The following SORCS2 variants were observed in gnomAD, a reference collection of about 807,000 sequenced individuals.
SORCS2 encodes sortilin related VPS10 domain containing receptor 2, also known as VPS10 domain-containing receptor SorCS2.
SORCS2 carries 100 observed loss-of-function variants against 141.6 expected under a neutral mutation model. The ratio of observed to expected loss-of-function variants is 0.71; its 90% confidence interval spans 0.60 to 0.83. The LOEUF (loss-of-function observed/expected upper bound fraction) is 0.83, where lower values mean the gene tolerates loss of function less well. Ranked by LOEUF, SORCS2 falls within the 40% of genes least tolerant of loss-of-function variation. The pLI is 0.00. For synonymous variants in SORCS2, 789 were observed against 676.9 expected (o/e 1.17, Z -2.57); for missense variants, 1,646 against 1,560.2 (o/e 1.05, Z -0.93).
chr4:7,464,762 CT>C (rs1333926177), intron 2 of SORCS2, among the ~76,000 whole-genome samples: 2 of 152,254 alleles, frequency 1.3e-5, no homozygotes, highest in Non-Finnish European at 2.9e-5. Flanking sequence ...ATAGTCCAGA[CT>C]TTCTGAACTT....
At chr4:7,717,957 C>T in intron 17 of SORCS2, 55 bp from the exon 18 acceptor site, 2 of 1,506,894 alleles carry the variant, frequency 1.3e-6, no homozygotes, top group Admixed American at 4.5e-5. Context: ...GACTATGGGG[C>T]CCCATCCCTT....
chr4:7,583,353 C>A (rs1433720500), intron 3 of SORCS2, among the ~76,000 whole-genome samples: 1 of 152,150 alleles, frequency 6.6e-6, no homozygotes, highest in Admixed American at 6.5e-5. Context: ...TCCAACCCCC[C>A]TACACTCCTG....
chr4:7,423,173 C>T (rs1726202519), intron 2 of SORCS2, among the ~76,000 whole-genome samples: 2 of 152,222 alleles, frequency 1.3e-5, no homozygotes, highest in African/African-American at 4.8e-5. Context: ...GAGGCTCTGA[C>T]TCCGTGCTGT....
chr4:7,355,611 CG>C (rs1721201633), intron 1 of SORCS2, among the ~76,000 whole-genome samples: 1 of 151,922 alleles, frequency 6.6e-6, no homozygotes, highest in Non-Finnish European at 1.5e-5. Flanking sequence ...GGAGAGAGCA[CG>C]GAGGGCTGAG....
At chr4:7,445,540 G>A (rs11729650) in intron 2 of SORCS2, among the ~76,000 whole-genome samples, 42,472 of 151,850 alleles carry the variant, frequency 0.28, 6,293 homozygotes, top group East Asian at 0.57. Flanking sequence ...GAGCGGGGCC[G>A]AGGGGAAGCA....
chr4:7,679,213 G>C (rs1723357588), intron 9 of SORCS2, among the ~76,000 whole-genome samples: 1 of 152,178 alleles, frequency 6.6e-6, no homozygotes, highest in African/African-American at 2.4e-5. Context: ...GCACAACCCA[G>C]GTGTGAGGCA....
At chr4:7,737,283 A>C in intron 26 of SORCS2, 111 bp downstream of exon 26, 4 of 1,445,962 alleles carry the variant, frequency 2.8e-6, no homozygotes, top group Non-Finnish European at 2.8e-6. Context: ...GGCCAGCAAA[A>C]CGCTGGCCCA....
chr4:7,434,283 C>T (rs769945186), intron 2 of SORCS2: 7 of 1,613,026 alleles, frequency 4.3e-6, no homozygotes, highest in Non-Finnish European at 5.1e-6. Context: ...TCAAGTTGGA[C>T]CGGACAGCCT....
chr4:7,468,375 G>A (rs1402625701), intron 2 of SORCS2, among the ~76,000 whole-genome samples: 2 of 152,178 alleles, frequency 1.3e-5, no homozygotes, highest in East Asian at 1.9e-4. Flanking sequence ...CTCACGCTAT[G>A]TCTCCATCCT....
intron 1 of SORCS2, among the ~76,000 whole-genome samples, chr4:7,384,103 C>A (rs1723148328): frequency 6.6e-6 from 1 of 152,196 alleles, no homozygotes; most frequent in African/African-American, 2.4e-5. Context: ...CATGAAGGGC[C>A]TTCTTCCTCC....
intron 2 of SORCS2, among the ~76,000 whole-genome samples, chr4:7,410,579 G>A (rs1013452320): frequency 6.6e-6 from 1 of 152,184 alleles, no homozygotes; most frequent in Non-Finnish European, 1.5e-5. Context: ...AGATGTCAGA[G>A]GTCTGTTTCC....
At chr4:7,534,044 G>T (rs567051543) in intron 3 of SORCS2, among the ~76,000 whole-genome samples, 1 of 152,330 alleles carries the variant, frequency 6.6e-6, no homozygotes, top group East Asian at 1.9e-4. Flanking sequence ...CTGGGCACAG[G>T]CTGGATTTCA....
At position 7,729,703 on chromosome 4, in the gene SORCS2, G is replaced by C. The variant is rs1447080430; in HGVS notation, c.3099G>C (p.Ser1033=). 5.0e-6 allele frequency: 8 copies of C among 1,610,916 alleles called. No individual in the cohort carries two copies. The highest frequency in any genetic ancestry group is 6.8e-6 in the Non-Finnish European group (8 of 1,178,712). The change falls in exon 23 of 27, where the codon TCG becomes TCC. Residue 1033 remains serine (S), a synonymous_variant. Coordinates refer to ENST00000507866, the MANE Select transcript of SORCS2 (RefSeq NM_020777.3). The part of the protein sequence containing the change: ...PPRPTRKRSL[S]SDKRLAAIQQ... Reference sequence around the variant, plus strand: ...GGCCCACAAGGAAGAGGAGCCTCTCGAGTGATAAGGTATGTCCTGTGGCCG... The same window carrying C: ...GGCCCACAAGGAAGAGGAGCCTCTCCAGTGATAAGGTATGTCCTGTGGCCG...
chr4:7,641,777 AATGGATGGATGGATGGATGGATGG>A (rs56032853), intron 4 of SORCS2, among the ~76,000 whole-genome samples: 33 of 79,062 alleles, frequency 4.2e-4, no homozygotes, highest in African/African-American at 1.0e-3. Context: ...TGGATGGATA[AATGGATGGATGGATGGATGGATGG>A]ATGGATGGAT....
intron 2 of SORCS2, among the ~76,000 whole-genome samples, chr4:7,469,980 C>A (rs568786589): frequency 6.6e-6 from 1 of 152,110 alleles, no homozygotes; most frequent in Non-Finnish European, 1.5e-5. Flanking sequence ...AGAGTGGAGG[C>A]CAGAGGCCAC....
chr4:7,266,617 C>T lies in SORCS2; in HGVS notation c.480+73491C>T, dbSNP rs548271884. ...GAGTCATCCATTCATTCATCAAGCACTCCGGTGGTTTCCCACAGTGTGAGG... is the reference window on the plus strand; with the variant it reads ...GAGTCATCCATTCATTCATCAAGCATTCCGGTGGTTTCCCACAGTGTGAGG... On this transcript the variant is annotated intron_variant, in intron 1 of 26. Transcript: ENST00000507866. 2.5e-4 allele frequency among the ~76,000 whole-genome samples: 38 copies of T among 152,346 alleles called. 1 individual carries two copies. Among genetic ancestry groups the T allele is most frequent in the Non-Finnish European group, 4.6e-4 (31 of 68,032 alleles).
In SORCS2 at chr4:7,481,969, T is replaced by C. The variant is rs1456318539; in HGVS notation, c.549-49561T>C. The stretch of plus-strand genomic sequence containing the variant: ...TCCCCACTGCGGACACCCCTGACGC[T>C]GTTCAGACCTGTATCCCCACTGCGG... On this transcript the variant is annotated intron_variant, in intron 2 of 26. Coordinates refer to ENST00000507866, the MANE Select transcript of SORCS2 (RefSeq NM_020777.3). Among the ~76,000 whole-genome samples the C allele has an allele frequency of 4.2e-4, 45 of 107,426 alleles. 1 individual carries two copies. The highest frequency in any genetic ancestry group is 2.0e-3 in the Admixed American group (21 of 10,684). The allele number at this position is 107,426 out of a possible 152,430, so 70.5% of individuals were successfully genotyped here. A position where few individuals can be genotyped will look rare whatever the true frequency, so the allele number is the denominator to read the frequency against.
chr4:7,254,718 T>C (rs900446806), intron 1 of SORCS2, among the ~76,000 whole-genome samples: 3 of 152,194 alleles, frequency 2.0e-5, no homozygotes, highest in Admixed American at 6.5e-5. Context: ...CTTTGGATGC[T>C]CTGAGCAGTG....
intron 3 of SORCS2, among the ~76,000 whole-genome samples, chr4:7,605,736 A>G (rs555122957): frequency 1.3e-5 from 2 of 151,542 alleles, no homozygotes; most frequent in East Asian, 1.9e-4. Context: ...TCTCTGTTCC[A>G]TTTCATTCCC....
Sources: gnomAD v4.1 joint callset for allele counts (sites outside exome capture counted in the v4.1 genomes callset) on GRCh38, gnomAD v4.1.1 for gene constraint, MANE v1.5 for transcripts, NCBI Gene and HGNC (gene_info 2026-07-23, HGNC 2026-07-21) for gene names.